TRIO: variants seen among roughly 807,000 people sequenced by gnomAD.
The protein encoded by TRIO is triple functional domain protein.
TRIO carries 58 observed loss-of-function variants against 351.9 expected under a neutral mutation model. The ratio of observed to expected loss-of-function variants is 0.16; its 90% confidence interval spans 0.13 to 0.21. The LOEUF (loss-of-function observed/expected upper bound fraction) is 0.21. Among genes scored for constraint, TRIO ranks in the 10% least tolerant of loss-of-function variants. TRIO has a pLI of 1.00. For missense variants in TRIO, 3,201 were observed against 4,027.8 expected, an observed-to-expected ratio of 0.79 and a Z score of 5.56; for synonymous variants, 1,758 against 1,595.7, an observed-to-expected ratio of 1.10 and a Z score of -2.42.
In TRIO at chr5:14,291,180, G is replaced by A; in HGVS notation, c.1005G>A (p.Lys335=). The A allele has an allele frequency of 6.2e-7, 1 of 1,614,198 alleles. No homozygotes were observed. The highest frequency in any genetic ancestry group is 8.5e-7 in the Non-Finnish European group (1 of 1,180,028). ...AGATGTGGCATGTGAGGAAGCTGAA[G>A]CTGGACCAGTGCTTCCAGCTGAGGC... is the stretch of plus-strand genomic sequence containing the variant. ...LHQMWHVRKL[K]LDQCFQLRLF... Residue 335 remains lysine, a synonymous_variant, in exon 5 of 57, where the codon AAG becomes AAA. Coordinates refer to ENST00000344204, the MANE Select transcript of TRIO (RefSeq NM_007118.4).
intron 19 of TRIO, among the ~76,000 whole-genome samples, chr5:14,376,546 A>G (rs1745576066): frequency 6.6e-6 from 1 of 152,202 alleles, no homozygotes; most frequent in African/African-American, 2.4e-5. Context: ...CTTTCACTTA[A>G]TAATATATCT....
intron 1 of TRIO, among the ~76,000 whole-genome samples, chr5:14,252,399 T>G (rs1794797846): frequency 6.6e-6 from 1 of 152,228 alleles, no homozygotes; most frequent in South Asian, 2.1e-4. Flanking sequence ...CGTTTACTGT[T>G]AGGTGCCCAC....
chr5:14,432,823 T>G (rs932580407), intron 34 of TRIO, among the ~76,000 whole-genome samples: 6 of 152,212 alleles, frequency 3.9e-5, no homozygotes, highest in African/African-American at 1.4e-4. Flanking sequence ...CAAAATCAGC[T>G]GCTTGTTCTC....
chr5:14,485,329 C>A, intron 47 of TRIO, 83 bp downstream of exon 47: 1 of 1,411,316 alleles, frequency 7.1e-7, no homozygotes, highest in South Asian at 1.6e-5. Flanking sequence ...CATTCATATC[C>A]ATAGTAATGA....
chr5:14,313,661 C>T (rs1739123579), intron 8 of TRIO, among the ~76,000 whole-genome samples: 2 of 152,170 alleles, frequency 1.3e-5, no homozygotes, highest in South Asian at 2.1e-4. Context: ...TCTGTGGATC[C>T]TTCTGTCTTT....
intron 9 of TRIO, among the ~76,000 whole-genome samples, chr5:14,326,507 A>T (rs1202617864): frequency 2.0e-5 from 3 of 152,174 alleles, no homozygotes; most frequent in African/African-American, 7.2e-5. Context: ...AGCCCACACC[A>T]CACCCTCTGA....
intron 26 of TRIO, 33 bp downstream of exon 26, chr5:14,390,333 G>C (rs772868342): frequency 6.2e-7 from 1 of 1,603,816 alleles, no homozygotes; most frequent in African/African-American, 1.3e-5. Context: ...TTCTCTCCCA[G>C]CTATTAGGTG....
At position 14,359,394 on chromosome 5, in the gene TRIO, A is replaced by G; in HGVS notation, c.2254A>G (p.Ser752Gly). Residue 752 changes from serine to glycine, a missense_variant, in exon 13 of 57, where the codon AGC (serine) becomes GGC (glycine). Physicochemically the swap from Ser to Gly is moderately conservative, Grantham distance 56. Around this residue, in one of 19 missense-constraint regions of TRIO, gnomAD observed 363 missense variants for 553.5 expected, o/e 0.66. Transcript: ENST00000344204. ...CTCCAGTAACAAGACCCCCCACAAC[A>G]GCTCCATCAACCACATTGAGACGGT... ...AISSNKTPHN[S>G]SINHIETVLQ... The G allele has an allele frequency of 6.2e-7, 1 of 1,614,192 alleles. No homozygotes were observed.
rs1747843990 is a variant in TRIO, at chr5:14,398,991, T to C, written c.4535T>C (p.Phe1512Ser). ...RKGRERHLFL[F>S]EMSLVFSKEV... is the part of the protein sequence containing the mutation. ...GGTCGAGAACGGCATCTCTTCCTTT[T>C]TGAAATGTCCTTAGTATTTAGTAAA... The change falls in exon 30 of 57, where the codon TTT (phenylalanine) becomes TCT (serine). Residue 1512 changes from phenylalanine to serine, a missense_variant. Phe to Ser is a radical substitution (Grantham distance 155, BLOSUM62 -2). This residue lies in a region of TRIO where 136 missense variants were observed against 229.5 expected (regional missense o/e 0.59). Transcript: ENST00000344204. 1.2e-6 allele frequency: 2 copies of C among 1,614,174 alleles called. No homozygotes were observed. The highest frequency in any genetic ancestry group is 1.7e-6 in the Non-Finnish European group (2 of 1,180,028).
chr5:14,260,707 A>G (rs1795294254), intron 1 of TRIO, among the ~76,000 whole-genome samples: 1 of 152,220 alleles, frequency 6.6e-6, no homozygotes, highest in South Asian at 2.1e-4. Flanking sequence ...AAATGAATTA[A>G]TGGGATTTTT....
At chr5:14,364,604 G>A (rs774367419) in intron 14 of TRIO, 46 bp from the exon 15 acceptor site, 5 of 1,568,758 alleles carry the variant, frequency 3.2e-6, no homozygotes, top group Non-Finnish European at 3.5e-6. Context: ...AGAACAGAAG[G>A]TTGAAGTGCT....
intron 34 of TRIO, among the ~76,000 whole-genome samples, chr5:14,439,361 A>T (rs1258098658): frequency 6.6e-6 from 1 of 152,220 alleles, no homozygotes; most frequent in Non-Finnish European, 1.5e-5. Flanking sequence ...TTTCCCATAC[A>T]TCTTTAGCCA....
chr5:14,186,133 G>A (rs1314544197), intron 1 of TRIO, among the ~76,000 whole-genome samples: 2 of 152,202 alleles, frequency 1.3e-5, no homozygotes, highest in Non-Finnish European at 2.9e-5. Flanking sequence ...GTAAACTCAA[G>A]TGTGACATTT....
At chr5:14,471,107 C>A (rs935135768) in intron 37 of TRIO, among the ~76,000 whole-genome samples, 2 of 10,808 alleles carry the variant, frequency 1.9e-4, no homozygotes, top group Non-Finnish European at 4.6e-4. Flanking sequence ...CCTTTTCATT[C>A]CAACTTTTTT....
At chr5:14,507,754 C>A in intron 56 of TRIO, 126 bp from the exon 57 acceptor site, 1 of 1,233,540 alleles carries the variant, frequency 8.1e-7, no homozygotes, top group Non-Finnish European at 1.1e-6. Context: ...GCCTGCTTTG[C>A]ACATGCATGG....
chr5:14,507,842 G>T, intron 56 of TRIO, 38 bp from the exon 57 acceptor site: 1 of 1,586,878 alleles, frequency 6.3e-7, no homozygotes, highest in South Asian at 1.2e-5. Flanking sequence ...GCTTAAGATT[G>T]GATGGTCTGA....
chr5:14,301,142 CT>C (rs1737842915), intron 7 of TRIO, among the ~76,000 whole-genome samples: 1 of 152,120 alleles, frequency 6.6e-6, no homozygotes, highest in Non-Finnish European at 1.5e-5. Context: ...GAAAAGCAAT[CT>C]GTTAATTATT....
At chr5:14,366,799 G>A (rs1180550977) in intron 15 of TRIO, 61 bp from the exon 16 acceptor site, 1 of 1,608,206 alleles carries the variant, frequency 6.2e-7, no homozygotes, top group African/African-American at 1.3e-5. Flanking sequence ...TCTCACCCCT[G>A]GTGGTCCACA....
At chr5:14,460,953 T>C in intron 34 of TRIO, 66 bp from the exon 35 acceptor site, 1 of 1,445,776 alleles carries the variant, frequency 6.9e-7, no homozygotes, top group Admixed American at 2.7e-5. Context: ...TGCGGGATAA[T>C]GGCATGGTCT....
Sources: gnomAD v4.1 joint callset for allele counts (sites outside exome capture counted in the v4.1 genomes callset) on GRCh38, gnomAD v4.1.1 for gene constraint, gnomAD v4.1.1 regional missense constraint, MANE v1.5 for transcripts, NCBI Gene and HGNC (gene_info 2026-07-23, HGNC 2026-07-21) for gene names.